Variants in BICD1 observed in about 807,000 individuals in gnomAD.
BICD1 encodes protein bicaudal D homolog 1.
In BICD1, 35 loss-of-function variants were observed where a neutral mutation model predicts 92.5. The observed-to-expected ratio is 0.38, with a 90% CI of 0.29 to 0.50. The LOEUF (loss-of-function observed/expected upper bound fraction) is 0.50. Among genes scored for constraint, BICD1 ranks in the 20% least tolerant of loss-of-function variants. BICD1 has a pLI of 0.93. For synonymous variants in BICD1, 429 were observed against 465.1 expected (o/e 0.92, Z 1.00); for missense variants, 950 against 1,189.8 (o/e 0.80, Z 2.97).
At chr12:32,343,015 C>CT (rs1938438914) in intron 8 of BICD1, among the ~76,000 whole-genome samples, 1 of 152,212 alleles carries the variant, frequency 6.6e-6, no homozygotes, top group Non-Finnish European at 1.5e-5. Flanking sequence ...AACCTCAGCC[C>CT]TTACAATTGC....
At chr12:32,346,583 CGTGTATAT>C (rs1938607829) in intron 8 of BICD1, among the ~76,000 whole-genome samples, 1 of 26,120 alleles carries the variant, frequency 3.8e-5, no homozygotes, top group Non-Finnish European at 1.2e-4. Context: ...TATATATATA[CGTGTATAT>C]ATATATATAT....
In BICD1 at chr12:32,294,608, G is replaced by A. The variant is rs1339974079; in HGVS notation, c.579+462G>A. ...TGCACTCCAGCCTTGGTGACAGAGT[G>A]AGACTCCGTCTTAAAAAAAAAAAAA... On this transcript the variant is annotated intron_variant, in intron 3 of 9. Transcript: ENST00000652176. 2.3e-5 allele frequency among the ~76,000 whole-genome samples: 3 copies of A among 127,708 alleles called. No individual in the cohort carries two copies. In the South Asian group the frequency reaches 8.8e-4, roughly 37 times the overall value. 83.8% of individuals were successfully genotyped at this position (127,708 alleles called of 152,430 possible). A position where few individuals can be genotyped will look rare whatever the true frequency, so the allele number is the denominator to read the frequency against.
chr12:32,179,598 T>C, intron 1 of BICD1, among the ~76,000 whole-genome samples: 1 of 152,008 alleles, frequency 6.6e-6, no homozygotes, highest in East Asian at 1.9e-4. Flanking sequence ...GTGCTAACTT[T>C]ACTAAAATTG....
intron 2 of BICD1, among the ~76,000 whole-genome samples, chr12:32,272,302 T>G (rs918263995): frequency 2.0e-5 from 3 of 152,140 alleles, no homozygotes; most frequent in Admixed American, 2.0e-4. Flanking sequence ...GGCCTAGAAA[T>G]TGTCACCACA....
intron 2 of BICD1, among the ~76,000 whole-genome samples, chr12:32,231,679 G>C (rs1349370077): frequency 6.6e-6 from 1 of 151,536 alleles, no homozygotes; most frequent in African/African-American, 2.4e-5. Flanking sequence ...ATGCTGGTGC[G>C]CTGCACCCAC....
At position 32,327,928 on chromosome 12, in the gene BICD1, C is replaced by T; in HGVS notation, c.1473C>T (p.Thr491=). 1 of 1,614,076 alleles carries T rather than the reference C, an allele frequency of 6.2e-7. No individual in the cohort carries two copies. Among genetic ancestry groups the T allele is most frequent in the Non-Finnish European group, 8.5e-7 (1 of 1,180,006 alleles). The change falls in exon 5 of 10, where the codon ACC becomes ACT. Residue 491 remains threonine, a synonymous_variant. Coordinates refer to ENST00000652176, the MANE Select transcript of BICD1 (RefSeq NM_001714.4). ...AHMEKELQKM[T]SIANENHSTL... Reference sequence around the variant, plus strand: ...TGGAGAAGGAGTTGCAAAAGATGACCAGCATAGCCAACGAAAATCACAGTA... The same window carrying T: ...TGGAGAAGGAGTTGCAAAAGATGACTAGCATAGCCAACGAAAATCACAGTA...
chr12:32,379,211 CTTA>C lies in BICD1; in HGVS notation c.*1587_*1589del, dbSNP rs1264358216. On this transcript the variant is annotated 3_prime_UTR_variant, in exon 10 of 10. Transcript: ENST00000652176. ...GAAAGGAGATCCAGGAGCCACTCAG[CTTA>C]TTGAGCGGACATGGGTGGCACAGAA... The C allele has an allele frequency of 6.6e-6, 1 of 152,234 alleles. No individual in the cohort carries two copies. Among genetic ancestry groups the C allele is most frequent in the Admixed American group, 6.5e-5 (1 of 15,276 alleles). The allele number at this position is 152,234 out of a possible 1,614,324, so 9.4% of individuals were successfully genotyped here.
intron 4 of BICD1, among the ~76,000 whole-genome samples, chr12:32,311,721 CAG>C (rs940402137): frequency 1.3e-5 from 2 of 152,140 alleles, no homozygotes; most frequent in Non-Finnish European, 2.9e-5. Flanking sequence ...TAGCTGACTT[CAG>C]AGAGAGCAGG....
At chr12:32,348,723 A>AG (rs1938731494) in intron 8 of BICD1, among the ~76,000 whole-genome samples, 1 of 117,964 alleles carries the variant, frequency 8.5e-6, no homozygotes. Context: ...CTCACACAAA[A>AG]ATATATATAT....
At chr12:32,279,193 G>C (rs1947354149) in intron 2 of BICD1, among the ~76,000 whole-genome samples, 1 of 152,180 alleles carries the variant, frequency 6.6e-6, no homozygotes, top group African/African-American at 2.4e-5. Context: ...ATAGATTAGT[G>C]GTTACCTGGG....
At chr12:32,293,850 C>T in intron 2 of BICD1, 144 bp from the exon 3 acceptor site, 2 of 725,024 alleles carry the variant, frequency 2.8e-6, no homozygotes, top group Non-Finnish European at 4.4e-6. Flanking sequence ...TGACAGATAC[C>T]ACTAAATTGC....
intron 3 of BICD1, 123 bp downstream of exon 3, chr12:32,294,269 T>C: frequency 1.0e-6 from 1 of 970,914 alleles, no homozygotes; most frequent in Non-Finnish European, 1.5e-6. Flanking sequence ...ATAACATTTA[T>C]GTACTGCAAT....
intron 2 of BICD1, among the ~76,000 whole-genome samples, chr12:32,245,855 C>T (rs189489170): frequency 6.6e-6 from 1 of 150,836 alleles, no homozygotes; most frequent in East Asian, 2.0e-4. Context: ...CATAGTGAAA[C>T]CCCTTCTCTA....
In BICD1 at chr12:32,347,094, G is replaced by A. The variant is rs545380176; in HGVS notation, c.2764+8115G>A. 4.0e-5 allele frequency among the ~76,000 whole-genome samples: 6 copies of A among 151,304 alleles called. No individual in the cohort carries two copies. The South Asian group carries it at 8.4e-4, about 21-fold the overall frequency. On this transcript the variant is annotated intron_variant, in intron 8 of 9. Coordinates refer to ENST00000652176, the MANE Select transcript of BICD1 (RefSeq NM_001714.4). Reference sequence around the variant, plus strand: ...AGCCTCCCAACTAGCTAGGATTACAGGTATGTGCCACCATGCCTGGCTAAT... The same window carrying A: ...AGCCTCCCAACTAGCTAGGATTACAAGTATGTGCCACCATGCCTGGCTAAT...
intron 2 of BICD1, among the ~76,000 whole-genome samples, chr12:32,253,520 A>G (rs1946621565): frequency 6.6e-6 from 1 of 152,114 alleles, no homozygotes; most frequent in Non-Finnish European, 1.5e-5. Flanking sequence ...AGTAAAAGTG[A>G]TCAGACTGTT....
rs1014939595 is a variant in BICD1 at position 32,363,397 on chromosome 12, T to C, written c.2765-4273T>C. The stretch of plus-strand genomic sequence containing the variant: ...AGACCTGGCCTCTAAAAAAAATACA[T>C]AAATAATCTCTTGAGTATGCTATGA... On this transcript the variant is annotated intron_variant, in intron 8 of 9. Transcript: ENST00000652176. 3.9e-5 allele frequency among the ~76,000 whole-genome samples: 6 copies of C among 152,264 alleles called. No individual in the cohort carries two copies. In the East Asian group the frequency reaches 9.6e-4, roughly 24 times the overall value.
chr12:32,211,627 ACT>A (rs1331198403), intron 1 of BICD1, among the ~76,000 whole-genome samples: 2 of 151,882 alleles, frequency 1.3e-5, no homozygotes, highest in African/African-American at 4.8e-5. Flanking sequence ...TATTGCTTTT[ACT>A]CAGGCAGAGT....
intron 1 of BICD1, among the ~76,000 whole-genome samples, chr12:32,128,973 G>A (rs948819264): frequency 9.9e-5 from 15 of 151,258 alleles, no homozygotes; most frequent in Non-Finnish European, 1.5e-4. Context: ...ACAGAATCTC[G>A]CTCTGTTGCC....
intron 2 of BICD1, among the ~76,000 whole-genome samples, chr12:32,280,666 C>T (rs1387181571): frequency 6.6e-6 from 1 of 152,208 alleles, no homozygotes; most frequent in Non-Finnish European, 1.5e-5. Context: ...TTGCTTTCAG[C>T]TCTAAATAAT....
Sources: allele counts gnomAD v4.1 joint callset (sites outside exome capture counted in the v4.1 genomes callset), GRCh38; gene constraint gnomAD v4.1.1; transcripts MANE v1.5; gene names NCBI Gene and HGNC (gene_info 2026-07-23, HGNC 2026-07-21).